NEU3: variants seen among roughly 807,000 people sequenced by gnomAD.
NEU3 encodes the protein neuraminidase 3.
Under a neutral mutation model 11.4 loss-of-function variants are expected in NEU3, and 10 were observed. The observed-to-expected ratio is 0.88, with a 90% CI of 0.54 to 1.49. The LOEUF (loss-of-function observed/expected upper bound fraction) is 1.49, where lower values mean the gene tolerates loss of function less well. Among genes scored for constraint, NEU3 ranks in the 40% most tolerant of loss-of-function variants. NEU3 has a pLI of 0.00. For missense variants in NEU3, 529 were observed against 581.8 expected (o/e 0.91, Z 0.93); for synonymous variants, 212 against 228.2 (o/e 0.93, Z 0.64).
In NEU3 at chr11:74,998,026, C is replaced by T. The variant is rs150408367; in HGVS notation, c.306+3306C>T. 4.8e-3 allele frequency among the ~76,000 whole-genome samples: 724 copies of T among 152,228 alleles called. 8 individuals carry two copies. Among genetic ancestry groups the T allele is most frequent in the African/African-American group, 0.016 (679 of 41,520 alleles). ...TGGGGGACTCTTCCTTTCACTTGAACACTTAGAGGCCATTGTAGGGTTACT... is the reference window on the plus strand; with the variant it reads ...TGGGGGACTCTTCCTTTCACTTGAATACTTAGAGGCCATTGTAGGGTTACT... On this transcript the variant is annotated intron_variant, in intron 2 of 2. Coordinates refer to ENST00000294064, the MANE Select transcript of NEU3 (RefSeq NM_006656.6).
chr11:75,019,019 C>T (rs1948991914), downstream of NEU3: 1 of 152,252 alleles, frequency 6.6e-6, no homozygotes, highest in African/African-American at 2.4e-5. Context: ...TGCCCCTGCC[C>T]TAGAGATTTG....
At chr11:75,005,304 G>A in intron 2 of NEU3, 109 bp from the exon 3 acceptor site, 3 of 1,196,164 alleles carry the variant, frequency 2.5e-6, no homozygotes, top group Non-Finnish European at 2.3e-6. Context: ...TGATTTTATA[G>A]ATTTCAATAT....
rs1313119382 is a variant in NEU3 at position 75,005,954 on chromosome 11, G to A, written c.848G>A (p.Cys283Tyr). The change falls in exon 3 of 3, where the codon TGC becomes TAC. Residue 283 changes from cysteine (C) to tyrosine (Y), a missense_variant. Transcript: ENST00000294064. Reference sequence around the variant, plus strand: ...TGCAGTGCCCGGACACCAAACAGGTGCCGGGCAGAGGCGCTCAGCACTGAC... The same window carrying A: ...TGCAGTGCCCGGACACCAAACAGGTACCGGGCAGAGGCGCTCAGCACTGAC... ...LYCSARTPNR[C>Y]RAEALSTDHG... is the part of the protein sequence containing the mutation. 2 of 1,613,776 alleles carry A rather than the reference G, an allele frequency of 1.2e-6. No homozygotes were observed. The highest frequency in any genetic ancestry group is 2.2e-5 in the South Asian group (2 of 91,082).
chr11:74,988,608 C>T (rs575300239), upstream of NEU3: 36 of 174,586 alleles, frequency 2.1e-4, no homozygotes, highest in Non-Finnish European at 3.5e-4. Context: ...AGGCCGGGAA[C>T]CTTTGCTCAA....
At chr11:74,997,495 G>T (rs886496414) in intron 2 of NEU3, among the ~76,000 whole-genome samples, 14 of 152,100 alleles carry the variant, frequency 9.2e-5, no homozygotes, top group African/African-American at 3.4e-4. Flanking sequence ...CAGCAATAAG[G>T]CTGTTTTGCT....
At chr11:74,998,935 C>T (rs567774979) in intron 2 of NEU3, among the ~76,000 whole-genome samples, 11 of 152,184 alleles carry the variant, frequency 7.2e-5, no homozygotes, top group African/African-American at 1.9e-4. Flanking sequence ...CTGTGGTCAT[C>T]GTCATGTTGC....
intron 1 of NEU3, among the ~76,000 whole-genome samples, chr11:74,993,426 G>A (rs140411319): frequency 0.026 from 3,901 of 152,158 alleles, 144 homozygotes; most frequent in African/African-American, 0.09. Flanking sequence ...GGATGGTCTC[G>A]ATCTCCTGAC....
At chr11:75,012,246 G>A (rs1948960632), downstream of NEU3, among the ~76,000 whole-genome samples, 1 of 152,146 alleles carries the variant, frequency 6.6e-6, no homozygotes, top group South Asian at 2.1e-4. Context: ...GGCATCTTCT[G>A]ACCATCAGGA....
chr11:74,991,345 A>G (rs1464322247), intron 1 of NEU3, among the ~76,000 whole-genome samples: 1 of 152,010 alleles, frequency 6.6e-6, no homozygotes, highest in Non-Finnish European at 1.5e-5. Context: ...CAGCAAGGCC[A>G]CTCTCCCAGT....
upstream of NEU3, among the ~76,000 whole-genome samples, chr11:74,983,337 C>T (rs1380984452): frequency 6.6e-6 from 1 of 152,100 alleles, no homozygotes; most frequent in East Asian, 1.9e-4. Context: ...GAGATGTAGT[C>T]TAAAAGAAAC....
At chr11:74,984,258 T>G (rs1232876015), upstream of NEU3, among the ~76,000 whole-genome samples, 1 of 152,240 alleles carries the variant, frequency 6.6e-6, no homozygotes, top group Non-Finnish European at 1.5e-5. Flanking sequence ...AATGTTTGTA[T>G]AGTAAACAAC....
the NEU3 span, among the ~76,000 whole-genome samples, chr11:74,981,092 C>T: frequency 2.0e-5 from 3 of 152,202 alleles, no homozygotes; most frequent in Admixed American, 6.5e-5. Flanking sequence ...CAGCCAACCC[C>T]CTCCTACAGT....
At chr11:75,016,472 AG>A (rs1490553231) in intron 3 of NEU3, among the ~76,000 whole-genome samples, 1 of 152,144 alleles carries the variant, frequency 6.6e-6, no homozygotes, top group Non-Finnish European at 1.5e-5. Flanking sequence ...TTATGGTTAT[AG>A]GCCATGCATT....
At chr11:74,999,981 G>A (rs150512843) in intron 2 of NEU3, among the ~76,000 whole-genome samples, 21 of 152,238 alleles carry the variant, frequency 1.4e-4, no homozygotes, top group East Asian at 5.8e-4. Flanking sequence ...GATTACTGTC[G>A]TTGGGATCTG....
upstream of NEU3, among the ~76,000 whole-genome samples, chr11:74,986,605 T>C (rs1428999609): frequency 6.6e-6 from 1 of 152,196 alleles, no homozygotes; most frequent in Non-Finnish European, 1.5e-5. Context: ...TTAATATTTA[T>C]TTCTCATCTC....
chr11:74,989,010 T>C lies in NEU3; in HGVS notation c.-51T>C. 7.3e-7 allele frequency: 1 copy of C among 1,363,680 alleles called. No individual in the cohort carries two copies. Among genetic ancestry groups the C allele is most frequent in the South Asian group, 1.2e-5 (1 of 80,304 alleles). 84.5% of individuals were successfully genotyped at this position (1,363,680 alleles called of 1,614,324 possible). On this transcript the variant is annotated 5_prime_UTR_variant, in exon 1 of 3. Coordinates refer to ENST00000294064, the MANE Select transcript of NEU3 (RefSeq NM_006656.6). The stretch of plus-strand genomic sequence containing the variant: ...TTGTTTCTCCCTCTCTATCCTCCTC[T>C]GTCTCAGTCTCCCCAGCCTTGGGGC...
rs1948904271 is a variant in NEU3, at chr11:75,006,745, C to T, written c.*253C>T. ...TTGCTTTTGGACCTTGGATGTGTCA[C>T]CTGAACTCTCTGGACCTCAGGTTTC... On this transcript the variant is annotated 3_prime_UTR_variant, in exon 3 of 3. Transcript: ENST00000294064. 4.4e-6 allele frequency: 2 copies of T among 455,872 alleles called. No individual in the cohort carries two copies. The highest frequency in any genetic ancestry group is 7.8e-6 in the Non-Finnish European group (2 of 256,174). The allele number at this position is 455,872 out of a possible 1,614,324, so 28.2% of individuals were successfully genotyped here. A position where few individuals can be genotyped will look rare whatever the true frequency, so the allele number is the denominator to read the frequency against.
chr11:74,986,993 G>A (rs1279093104), upstream of NEU3, among the ~76,000 whole-genome samples: 1 of 152,146 alleles, frequency 6.6e-6, no homozygotes, highest in African/African-American at 2.4e-5. Flanking sequence ...TAATGAGGTG[G>A]GAAAGTAGGA....
rs780866349 is a variant in NEU3 at position 74,994,545 on chromosome 11, G to A, written c.131G>A (p.Ser44Asn). Residue 44 changes from serine to asparagine, a missense_variant, in exon 2 of 3, where the codon AGC (serine) becomes AAC (asparagine). Coordinates refer to ENST00000294064, the MANE Select transcript of NEU3 (RefSeq NM_006656.6). ...GAAGTGACAACATGCTCCTTCAACA[G>A]CCCTCTGTTCCGGCAGGAAGATGAC... ...MEEVTTCSFN[S>N]PLFRQEDDRG... The A allele has an allele frequency of 2.5e-6, 4 of 1,613,376 alleles. No homozygotes were observed. The highest frequency in any genetic ancestry group is 2.2e-5 in the South Asian group (2 of 91,028).
Sources: gnomAD v4.1 joint callset for allele counts (sites outside exome capture counted in the v4.1 genomes callset) on GRCh38, gnomAD v4.1.1 for gene constraint, MANE v1.5 for transcripts, NCBI Gene and HGNC (gene_info 2026-07-23, HGNC 2026-07-21) for gene names.